Variants in FABP4 observed in about 807,000 individuals in gnomAD.
FABP4 encodes the protein fatty acid binding protein 4.
A neutral mutation model predicts 14.6 loss-of-function variants in FABP4; 17 were observed. The ratio of observed to expected loss-of-function variants is 1.16; its 90% CI spans 0.80 to 1.74. FABP4 has a LOEUF of 1.74. Among genes scored for constraint, FABP4 ranks in the 40% most tolerant of loss-of-function variants. The pLI is 0.00. For synonymous variants in FABP4, 54 were observed against 54.6 expected, an observed-to-expected ratio of 0.99 and a Z score of 0.05; for missense variants, 149 against 160.3, an observed-to-expected ratio of 0.93 and a Z score of 0.38.
In FABP4 at chr8:81,479,395, G is replaced by A. The variant is rs771076130; in HGVS notation, c.348+19C>T. 8 of 1,577,172 alleles carry A rather than the reference G, an allele frequency of 5.1e-6. No individual in the cohort carries two copies. The African/African-American group carries it at 1.1e-4, about 21-fold the overall frequency. ...ACCTAGCAGTAAGATCCAGAATTAAGTAGCTAGAAGATACTCACCACCACC... is the reference window on the plus strand; with the variant it reads ...ACCTAGCAGTAAGATCCAGAATTAAATAGCTAGAAGATACTCACCACCACC... On this transcript the variant is annotated intron_variant, in intron 3 of 3. Coordinates refer to ENST00000256104, the MANE Select transcript of FABP4 (RefSeq NM_001442.3).
chr8:81,479,264 A>G (rs1425784654), intron 3 of FABP4, 150 bp downstream of exon 3: 1 of 679,342 alleles, frequency 1.5e-6, no homozygotes, highest in East Asian at 2.7e-5. Flanking sequence ...AAAAGCATGA[A>G]GGGCAAATGC....
In FABP4 at chr8:81,478,863, G is replaced by A. The variant is rs1163884351; in HGVS notation, c.*2C>T. ...CTTCAGTCCAGGTCAACGTCCCTTG[G>A]CTTATGCTCTCTCATAAACTCTCGT... On this transcript the variant is annotated 3_prime_UTR_variant, in exon 4 of 4. Transcript: ENST00000256104. The A allele has an allele frequency of 1.2e-6, 2 of 1,612,584 alleles. No individual in the cohort carries two copies. The highest frequency in any genetic ancestry group is 1.7e-6 in the Non-Finnish European group (2 of 1,179,102).
rs1221443894 is a variant in FABP4 at position 81,479,399 on chromosome 8, C to T, written c.348+15G>A. On this transcript the variant is annotated intron_variant, in intron 3 of 3. Transcript: ENST00000256104. ...AGCAGTAAGATCCAGAATTAAGTAG[C>T]TAGAAGATACTCACCACCACCAGTT... The T allele has an allele frequency of 1.3e-6, 2 of 1,593,506 alleles. No individual in the cohort carries two copies. Among genetic ancestry groups the T allele is most frequent in the South Asian group, 2.2e-5 (2 of 90,504 alleles).
chr8:81,483,185 A>G lies in FABP4; in HGVS notation c.-18T>C, dbSNP rs1471203340. The G allele has an allele frequency of 6.2e-7, 1 of 1,601,962 alleles. No homozygotes were observed. The highest frequency in any genetic ancestry group is 2.2e-5 in the East Asian group (1 of 44,666). ...TCACACATTTTGTGAGTTTTCTAGGATTATTCTTCAAGGTGAGAAGGAAGC... is the reference window on the plus strand; with the variant it reads ...TCACACATTTTGTGAGTTTTCTAGGGTTATTCTTCAAGGTGAGAAGGAAGC... On this transcript the variant is annotated 5_prime_UTR_variant, in exon 1 of 4. Transcript: ENST00000256104.
intron 2 of FABP4, 144 bp from the exon 3 acceptor site, chr8:81,479,659 G>A (rs865790688): frequency 1.6e-5 from 9 of 560,946 alleles, no homozygotes; most frequent in African/African-American, 7.6e-5. Flanking sequence ...AAAAAAATGA[G>A]TCTCAAAAAC....
rs770030293 is a variant in FABP4, at chr8:81,480,590, A to T, written c.82T>A (p.Phe28Ile). ...DDYMKEVGVG[F>I]ATRKVAGMAK... ...ATGCCAGCCACTTTCCTGGTGGCAA[A>T]GCCCACTCCTACAGTTAGGAAAAGA... is the stretch of plus-strand genomic sequence containing the variant. Residue 28 changes from phenylalanine (F) to isoleucine (I), a missense_variant, in exon 2 of 4, where the codon TTT (phenylalanine) becomes ATT (isoleucine). Phe to Ile is a conservative substitution (Grantham distance 21). Coordinates refer to ENST00000256104, the MANE Select transcript of FABP4 (RefSeq NM_001442.3). 9 of 1,611,594 alleles carry T rather than the reference A, an allele frequency of 5.6e-6. No individual in the cohort carries two copies. The East Asian group carries it at 2.0e-4, about 36-fold the overall frequency.
At chr8:81,478,963 A>G (rs1808018331) in intron 3 of FABP4, 48 bp from the exon 4 acceptor site, 7 of 1,451,124 alleles carry the variant, frequency 4.8e-6, no homozygotes, top group Non-Finnish European at 6.8e-6. Flanking sequence ...TAAACCATGG[A>G]TTTATTTATT....
rs1563528091 is a variant in FABP4 at position 81,480,533 on chromosome 8, C to T, written c.139G>A (p.Gly47Arg). The T allele has an allele frequency of 6.2e-7, 1 of 1,613,772 alleles. No homozygotes were observed. Among genetic ancestry groups the T allele is most frequent in the African/African-American group, 1.3e-5 (1 of 75,000 alleles). Residue 47 changes from glycine (G) to arginine (R), a missense_variant, in exon 2 of 4, where the codon GGG becomes AGG. By Grantham distance (125) the Gly-to-Arg change is moderately radical (BLOSUM62 -2). Transcript: ENST00000256104. ...TCAGATTTAATGGTGATCACATCCCCATTCACACTGATGATCATGTTAGGT... is the reference window on the plus strand; with the variant it reads ...TCAGATTTAATGGTGATCACATCCCTATTCACACTGATGATCATGTTAGGT... Reference protein sequence around the residue: ...AKPNMIISVNGDVITIKSEST... With the variant: ...AKPNMIISVNRDVITIKSEST...
Position 81,480,494 on chromosome 8 carries a change from T to C in FABP4, c.178A>G (p.Asn60Asp). ...ITIKSESTFK[N>D]TEISFILGQE... is the part of the protein sequence containing the mutation. The stretch of plus-strand genomic sequence containing the variant: ...CCCAGTATGAAGGAAATCTCAGTAT[T>C]TTTAAAGGTACTTTCAGATTTAATG... The change falls in exon 2 of 4, where the codon AAT (asparagine) becomes GAT (aspartate). Residue 60 changes from asparagine (N) to aspartate (D), a missense_variant. By Grantham distance (23) the Asn-to-Asp change is conservative. Coordinates refer to ENST00000256104, the MANE Select transcript of FABP4 (RefSeq NM_001442.3). The C allele has an allele frequency of 6.2e-7, 1 of 1,613,910 alleles. No homozygotes were observed. The highest frequency in any genetic ancestry group is 8.5e-7 in the Non-Finnish European group (1 of 1,179,828).
At chr8:81,480,275 A>T in intron 2 of FABP4, 151 bp downstream of exon 2, 1 of 689,300 alleles carries the variant, frequency 1.5e-6, no homozygotes, top group Non-Finnish European at 2.3e-6. Flanking sequence ...CACCAACTCT[A>T]TATCTAAGGA....
chr8:81,480,738 A>G, intron 1 of FABP4, 140 bp from the exon 2 acceptor site: 1 of 566,754 alleles, frequency 1.8e-6, no homozygotes, highest in Non-Finnish European at 2.8e-6. Context: ...TAATTTAAAC[A>G]GCTCCTGCAG....
In FABP4 at chr8:81,480,574, A is replaced by G; in HGVS notation, c.98T>C (p.Val33Ala). 6 of 1,612,082 alleles carry G rather than the reference A, an allele frequency of 3.7e-6. No homozygotes were observed. The highest frequency in any genetic ancestry group is 5.1e-6 in the Non-Finnish European group (6 of 1,179,124). ...CATGTTAGGTTTGGCCATGCCAGCC[A>G]CTTTCCTGGTGGCAAAGCCCACTCC... ...EVGVGFATRK[V>A]AGMAKPNMII... Residue 33 changes from valine to alanine, a missense_variant, in exon 2 of 4, where the codon GTG becomes GCG. Transcript: ENST00000256104.
rs754420578 is a variant in FABP4, at chr8:81,479,463, C to G, written c.299G>C (p.Gly100Ala). ...GVLVHVQKWD[G>A]KSTTIKRKRE... ...TTTTCTCTTTATGGTGGTTGATTTT[C>G]CATCCCATTTCTGCACATGTACCAG... The change falls in exon 3 of 4, where the codon GGA (glycine) becomes GCA (alanine). Residue 100 changes from glycine to alanine, a missense_variant. By Grantham distance (60) the Gly-to-Ala change is moderately conservative (BLOSUM62 0). Transcript: ENST00000256104. 1.2e-6 allele frequency: 2 copies of G among 1,613,276 alleles called. No individual in the cohort carries two copies. The highest frequency in any genetic ancestry group is 1.3e-5 in the African/African-American group (1 of 74,840).
At chr8:81,481,228 G>A (rs1171566778) in intron 1 of FABP4, among the ~76,000 whole-genome samples, 1 of 152,044 alleles carries the variant, frequency 6.6e-6, no homozygotes, top group East Asian at 1.9e-4. Flanking sequence ...TCTACAAAAG[G>A]CAAAATGTTT....
At chr8:81,480,322 C>A in intron 2 of FABP4, 104 bp downstream of exon 2, 1 of 1,153,678 alleles carries the variant, frequency 8.7e-7, no homozygotes, top group Non-Finnish European at 1.2e-6. Context: ...GGATCTTTGG[C>A]TTATGATAAA....
chr8:81,478,561 C>A lies in FABP4; in HGVS notation c.*304G>T. The A allele has an allele frequency of 4.2e-6, 1 of 236,606 alleles. No homozygotes were observed. Among genetic ancestry groups the A allele is most frequent in the Non-Finnish European group, 8.2e-6 (1 of 122,362 alleles). 14.7% of individuals were successfully genotyped at this position (236,606 alleles called of 1,614,324 possible). ...GGAAATCCATAGATATCCCTTTTTA[C>A]CTTGAATTATTATGAAATATGTTAT... is the stretch of plus-strand genomic sequence containing the variant. On this transcript the variant is annotated 3_prime_UTR_variant, in exon 4 of 4. Transcript: ENST00000256104.
intron 1 of FABP4, among the ~76,000 whole-genome samples, chr8:81,482,682 C>A (rs1318617031): frequency 6.6e-6 from 1 of 152,104 alleles, no homozygotes; most frequent in Non-Finnish European, 1.5e-5. Context: ...ATTAAGGGAA[C>A]TAGAGTGCTT....
chr8:81,480,235 G>A (rs2129795524), intron 2 of FABP4, among the ~76,000 whole-genome samples, 191 bp downstream of exon 2: 1 of 152,198 alleles, frequency 6.6e-6, no homozygotes, highest in South Asian at 2.1e-4. Flanking sequence ...TTTTTAACAT[G>A]AGGACAACTT....
chr8:81,479,341 T>G, intron 3 of FABP4, 73 bp downstream of exon 3: 1 of 1,173,124 alleles, frequency 8.5e-7, no homozygotes, highest in South Asian at 1.4e-5. Context: ...AAAATCTGTT[T>G]CCTTAAGTGG....
Sources: allele counts gnomAD v4.1 joint callset (sites outside exome capture counted in the v4.1 genomes callset), GRCh38; gene constraint gnomAD v4.1.1; transcripts MANE v1.5; gene names NCBI Gene and HGNC (gene_info 2026-07-23, HGNC 2026-07-21).